TRAF2: variants seen among roughly 807,000 people sequenced by gnomAD.
TRAF2 encodes the protein TNF receptor associated factor 2.
TRAF2 carries 6 observed loss-of-function variants against 55.6 expected under a neutral mutation model. The observed-to-expected ratio is 0.11, with a 90% CI of 0.06 to 0.21. The LOEUF (loss-of-function observed/expected upper bound fraction) is 0.21. TRAF2 is among the 10% of genes least tolerant of loss of function. The pLI is 1.00. For missense variants in TRAF2, 561 were observed against 684.5 expected, an observed-to-expected ratio of 0.82 and a Z score of 2.01; for synonymous variants, 329 against 276.3, an observed-to-expected ratio of 1.19 and a Z score of -1.89.
chr9:136,886,290 C>T, upstream of TRAF2: 1 of 618,142 alleles, frequency 1.6e-6, no homozygotes, highest in Non-Finnish European at 2.0e-6. Flanking sequence ...GTACCCACGC[C>T]GTCTCAGCGC....
chr9:136,914,685 G>C (rs1418092879), intron 6 of TRAF2, among the ~76,000 whole-genome samples: 1 of 152,122 alleles, frequency 6.6e-6, no homozygotes, highest in Admixed American at 6.5e-5. Context: ...ACATAAGAAC[G>C]GTGTCAGTAG....
intron 7 of TRAF2, among the ~76,000 whole-genome samples, chr9:136,919,871 A>G (rs941537096): frequency 1.3e-5 from 2 of 152,030 alleles, no homozygotes; most frequent in Non-Finnish European, 2.9e-5. Flanking sequence ...ACACACCACC[A>G]TGCCCAGCTA....
intron 1 of TRAF2, among the ~76,000 whole-genome samples, chr9:136,896,571 A>C (rs1269861833): frequency 6.6e-6 from 1 of 152,038 alleles, no homozygotes; most frequent in Admixed American, 6.6e-5. Context: ...TTCAGCTAGA[A>C]GCTTTGAAGT....
intron 4 of TRAF2, among the ~76,000 whole-genome samples, chr9:136,907,381 A>T (rs556237976): frequency 1.3e-5 from 2 of 152,166 alleles, no homozygotes; most frequent in Admixed American, 6.5e-5. Context: ...TGGGTGGCTC[A>T]GTGTGTGGGA....
Position 136,925,837 on chromosome 9 carries a change from A to G in TRAF2, c.1442A>G (p.Lys481Arg). ...TGCCCCGTCTCCAAGATGGAGGCAA[A>G]GAATTCCTACGTGCGGGACGATGCC... ...LFCPVSKMEA[K>R]NSYVRDDAIF... The change falls in exon 11 of 11, where the codon AAG becomes AGG. Residue 481 changes from lysine to arginine, a missense_variant. Physicochemically the swap from Lys to Arg is conservative, Grantham distance 26. Coordinates refer to ENST00000247668, the MANE Select transcript of TRAF2 (RefSeq NM_021138.4). 6.2e-7 allele frequency: 1 copy of G among 1,614,258 alleles called. No homozygotes were observed. The highest frequency in any genetic ancestry group is 1.1e-5 in the South Asian group (1 of 91,086).
chr9:136,915,134 A>G (rs1314293527), intron 6 of TRAF2, among the ~76,000 whole-genome samples: 1 of 152,168 alleles, frequency 6.6e-6, no homozygotes, highest in Non-Finnish European at 1.5e-5. Flanking sequence ...AGCTGAAATC[A>G]TGCCATTGTA....
chr9:136,899,093 T>TA (rs1281462615), intron 2 of TRAF2, among the ~76,000 whole-genome samples, 165 bp downstream of exon 2: 4 of 152,256 alleles, frequency 2.6e-5, no homozygotes, highest in Admixed American at 6.5e-5. Context: ...AATGTAAAAT[T>TA]AATAATTTTA....
chr9:136,898,831 A>G lies in TRAF2; in HGVS notation c.91A>G (p.Lys31Glu). Reference sequence around the variant, plus strand: ...CCTCCTGGGGACCAAGCTGGAAGCCAAGTACCTGTGCTCCGCCTGCAGAAA... The same window carrying G: ...CCTCCTGGGGACCAAGCTGGAAGCCGAGTACCTGTGCTCCGCCTGCAGAAA... ...KTLLGTKLEA[K>E]YLCSACRNVL... Residue 31 changes from lysine (K) to glutamate (E), a missense_variant, in exon 2 of 11, where the codon AAG (lysine) becomes GAG (glutamate). Transcript: ENST00000247668. The G allele has an allele frequency of 1.9e-6, 3 of 1,613,732 alleles. No homozygotes were observed. Among genetic ancestry groups the G allele is most frequent in the Non-Finnish European group, 1.7e-6 (2 of 1,180,016 alleles).
At chr9:136,898,661 C>CT in intron 1 of TRAF2, 52 bp from the exon 2 acceptor site, 1 of 1,597,292 alleles carries the variant, frequency 6.3e-7, no homozygotes, top group Non-Finnish European at 8.5e-7. Flanking sequence ...TTGGTTTTGT[C>CT]TCGAGGACTG....
chr9:136,923,805 G>T, intron 9 of TRAF2, 47 bp from the exon 10 acceptor site: 1 of 1,597,400 alleles, frequency 6.3e-7, no homozygotes. Context: ...GCCCTGCCCC[G>T]CCCTTGCTGA....
intron 1 of TRAF2, among the ~76,000 whole-genome samples, chr9:136,895,781 G>A (rs1361775083): frequency 1.3e-5 from 2 of 151,678 alleles, no homozygotes; most frequent in Non-Finnish European, 2.9e-5. Context: ...CCCAGGAGGT[G>A]GAGGTTGCAG....
At chr9:136,898,464 G>C in intron 1 of TRAF2, 2 of 460,646 alleles carry the variant, frequency 4.3e-6, no homozygotes, top group Non-Finnish European at 5.7e-6. Flanking sequence ...CTGTGGGTTG[G>C]TTGTGTGGAT....
chr9:136,899,487 A>G (rs1849765359), intron 2 of TRAF2, 107 bp from the exon 3 acceptor site: 2 of 966,476 alleles, frequency 2.1e-6, no homozygotes, highest in African/African-American at 3.3e-5. Context: ...AAGGATGAGA[A>G]AGTTTAAACT....
intron 5 of TRAF2, among the ~76,000 whole-genome samples, chr9:136,908,458 C>CA (rs1391480401): frequency 1.2e-4 from 18 of 152,350 alleles, no homozygotes; most frequent in African/African-American, 3.6e-4. Flanking sequence ...CACGGCGGCT[C>CA]ACGCCTGTAA....
rs556180409 is a variant in TRAF2, at chr9:136,902,877, G to A, written c.366+2357G>A. ...AGGCTGCCTTTCCTCCTTGATGGTC[G>A]GAACTTTATTGGAAAAGGGGAAAAT... On this transcript the variant is annotated intron_variant, in intron 4 of 10. Coordinates refer to ENST00000247668, the MANE Select transcript of TRAF2 (RefSeq NM_021138.4). 3.8e-4 allele frequency among the ~76,000 whole-genome samples: 58 copies of A among 152,282 alleles called. 1 individual carries two copies. The highest frequency in any genetic ancestry group is 1.3e-3 in the African/African-American group (56 of 41,560).
chr9:136,926,220 G>T lies in TRAF2; in HGVS notation c.*319G>T, dbSNP rs780421785. On this transcript the variant is annotated 3_prime_UTR_variant, in exon 11 of 11. Coordinates refer to ENST00000247668, the MANE Select transcript of TRAF2 (RefSeq NM_021138.4). ...TGCAGTGAAGGGAGAGGCCCTGGGT[G>T]GGGGACACTCAGAGTGGGAGCACAT... 2 of 476,566 alleles carry T rather than the reference G, an allele frequency of 4.2e-6. No homozygotes were observed. The highest frequency in any genetic ancestry group is 2.9e-5 in the Admixed American group (1 of 34,814). The allele number at this position is 476,566 out of a possible 1,614,324, so 29.5% of individuals were successfully genotyped here.
intron 4 of TRAF2, among the ~76,000 whole-genome samples, chr9:136,905,794 C>T (rs1849933973): frequency 6.6e-6 from 1 of 152,090 alleles, no homozygotes; most frequent in South Asian, 2.1e-4. Context: ...CTCAGGAGTT[C>T]AAGACCAGCC....
At chr9:136,894,304 C>T (rs748120282) in intron 1 of TRAF2, among the ~76,000 whole-genome samples, 2 of 148,558 alleles carry the variant, frequency 1.3e-5, no homozygotes, top group African/African-American at 2.5e-5. Flanking sequence ...TTCGGCCTCC[C>T]AAAGTGCTGG....
chr9:136,891,581 A>C (rs188437098), intron 1 of TRAF2, among the ~76,000 whole-genome samples: 1 of 151,996 alleles, frequency 6.6e-6, no homozygotes, highest in East Asian at 1.9e-4. Context: ...AGGCATGCCT[A>C]GGGCAGGGAG....
Sources: allele counts gnomAD v4.1 joint callset (sites outside exome capture counted in the v4.1 genomes callset), GRCh38; gene constraint gnomAD v4.1.1; transcripts MANE v1.5; gene names NCBI Gene and HGNC (gene_info 2026-07-23, HGNC 2026-07-21).